The following DPP3 variants were observed in gnomAD, a reference collection of about 807,000 sequenced individuals.
DPP3 encodes the protein DPP III.
Under a neutral mutation model 89.8 loss-of-function variants are expected in DPP3, and 64 were observed. The observed-to-expected ratio is 0.71, with a 90% CI of 0.58 to 0.88. DPP3 has a LOEUF of 0.88. Among genes scored for constraint, DPP3 ranks in the 40% least tolerant of loss-of-function variants. The probability of loss-of-function intolerance (pLI) is 0.00; values close to 1 mark genes in which losing one functional copy is unlikely to be tolerated. For missense variants in DPP3, 835 were observed against 972.5 expected, an observed-to-expected ratio of 0.86 and a Z score of 1.88; for synonymous variants, 377 against 404.3, an observed-to-expected ratio of 0.93 and a Z score of 0.81.
At position 66,493,121 on chromosome 11, in the gene DPP3, T is replaced by C. The variant is rs1450574207; in HGVS notation, c.1238T>C (p.Leu413Pro). The change falls in exon 11 of 18, where the codon CTG (leucine) becomes CCG (proline). Residue 413 changes from leucine (L) to proline (P), a missense_variant. Leu to Pro is a moderately conservative substitution (Grantham distance 98). Coordinates refer to ENST00000531863, the MANE Select transcript of DPP3 (RefSeq NM_130443.4). ...AAGAACGTGTCGCTGGGGAATGTGC[T>C]GGCTGTGGCCTACGCCACGCAGCGG... The part of the protein sequence containing the change: ...GFKNVSLGNV[L>P]AVAYATQREK... 3.1e-6 allele frequency: 5 copies of C among 1,614,082 alleles called. No homozygotes were observed. Among genetic ancestry groups the C allele is most frequent in the Admixed American group, 1.7e-5 (1 of 60,012 alleles).
At chr11:66,493,304 A>G (rs1855446621) in intron 11 of DPP3, 125 bp downstream of exon 11, 1 of 907,400 alleles carries the variant, frequency 1.1e-6, no homozygotes, top group Non-Finnish European at 1.7e-6. Context: ...GCCACTTCCC[A>G]ACCATGTGAC....
chr11:66,504,898 C>G (rs1855764352), intron 17 of DPP3, 124 bp downstream of exon 17: 2 of 1,098,450 alleles, frequency 1.8e-6, no homozygotes, highest in Middle Eastern at 3.2e-4. Flanking sequence ...ATGGCCCTTC[C>G]CTTTCTGCCA....
At chr11:66,486,789 C>T in intron 4 of DPP3, 112 bp downstream of exon 4, 15 of 1,296,744 alleles carry the variant, frequency 1.2e-5, no homozygotes, top group Non-Finnish European at 1.5e-5. Context: ...GCCTCACACT[C>T]CTGAGGCAAT....
Position 66,493,315 on chromosome 11 carries a change from C to T in DPP3, c.1296+136C>T, listed in dbSNP as rs536869172. The T allele has an allele frequency of 8.7e-5, 75 of 862,114 alleles. 2 individuals carry two copies. In the Middle Eastern group the frequency reaches 9.3e-4, roughly 11 times the overall value. The allele number at this position is 862,114 out of a possible 1,614,324, so 53.4% of individuals were successfully genotyped here. On this transcript the variant is annotated intron_variant, in intron 11 of 17. Transcript: ENST00000531863. ...CTCTGCCACTTCCCAACCATGTGACCGTGTGGACTTTGGAGCCTCAGTTTC... is the reference window on the plus strand; with the variant it reads ...CTCTGCCACTTCCCAACCATGTGACTGTGTGGACTTTGGAGCCTCAGTTTC...
Position 66,492,751 on chromosome 11 carries a change from A to T in DPP3, c.1024A>T (p.Lys342Ter), listed in dbSNP as rs144876718. The T allele has an allele frequency of 6.2e-7, 1 of 1,610,336 alleles. No individual in the cohort carries two copies. Among genetic ancestry groups the T allele is most frequent in the African/African-American group, 1.3e-5 (1 of 74,698 alleles). ...VAVVNKAMSAKFERLVASAEQ... is the reference protein window; with the variant it reads ...VAVVNKAMSA ...TGTGGTGAACAAGGCCATGAGTGCC[A>T]AGTTTGAGCGGCTGGTGGCGAGCGC... is the stretch of plus-strand genomic sequence containing the variant. Residue 342 changes from lysine to a stop codon, truncating the protein, a stop_gained, in exon 10 of 18, where the codon AAG becomes TAG. Coordinates refer to ENST00000531863, the MANE Select transcript of DPP3 (RefSeq NM_130443.4). LOFTEE classifies it high-confidence loss of function.
intron 17 of DPP3, 133 bp from the exon 18 acceptor site, chr11:66,508,946 A>G (rs1268437891): frequency 6.2e-6 from 7 of 1,134,690 alleles, no homozygotes; most frequent in Non-Finnish European, 8.8e-6. Flanking sequence ...CCTAAAACGT[A>G]GAGCACAGGT....
intron 4 of DPP3, 82 bp downstream of exon 4, chr11:66,486,759 A>T: frequency 2.1e-6 from 3 of 1,417,810 alleles, no homozygotes; most frequent in Non-Finnish European, 2.8e-6. Context: ...AGGACACGGG[A>T]TGGGGAGGCA....
At chr11:66,497,628 C>A in intron 16 of DPP3, 151 bp downstream of exon 16, 2 of 1,140,610 alleles carry the variant, frequency 1.8e-6, no homozygotes, top group Non-Finnish European at 2.4e-6. Context: ...GGGTGCCTCA[C>A]GCCTGTGATC....
Position 66,495,673 on chromosome 11 carries a change from G to C in DPP3, c.1621G>C (p.Val541Leu), listed in dbSNP as rs912409689. The stretch of plus-strand genomic sequence containing the variant: ...GGCTGATGCGGAGGACGTGATCTAC[G>C]TGAACTGGCTCAACATGGTTCGGGC... ...EGADAEDVIY[V>L]NWLNMVRAGL... Residue 541 changes from valine (V) to leucine (L), a missense_variant, in exon 15 of 18, where the codon GTG becomes CTG. Transcript: ENST00000531863. 1.2e-6 allele frequency: 2 copies of C among 1,614,126 alleles called. No individual in the cohort carries two copies. Among genetic ancestry groups the C allele is most frequent in the Admixed American group, 1.7e-5 (1 of 60,022 alleles).
chr11:66,495,864 C>A, intron 15 of DPP3, 114 bp downstream of exon 15: 1 of 1,473,118 alleles, frequency 6.8e-7, no homozygotes, highest in South Asian at 1.3e-5. Flanking sequence ...GGGTTTAATG[C>A]TAGACTCCAC....
chr11:66,486,451 A>G (rs1246088759), intron 3 of DPP3, 89 bp from the exon 4 acceptor site: 3 of 1,380,420 alleles, frequency 2.2e-6, no homozygotes, highest in Non-Finnish European at 2.8e-6. Flanking sequence ...CTCTTAGATC[A>G]TAGGAGAAGA....
intron 16 of DPP3, among the ~76,000 whole-genome samples, chr11:66,498,664 C>T (rs1025090480): frequency 3.9e-5 from 6 of 152,174 alleles, no homozygotes; most frequent in African/African-American, 1.2e-4. Flanking sequence ...TTTGATAAGC[C>T]ATAAGATATA....
intron 1 of DPP3, 76 bp from the exon 2 acceptor site, chr11:66,482,117 G>A (rs1855099367): frequency 1.3e-6 from 2 of 1,558,544 alleles, no homozygotes; most frequent in Admixed American, 3.6e-5. Flanking sequence ...GATTAAATGA[G>A]ATCATAAGAG....
intron 17 of DPP3, among the ~76,000 whole-genome samples, chr11:66,507,255 C>T (rs1299392157): frequency 6.6e-6 from 1 of 151,978 alleles, no homozygotes; most frequent in African/African-American, 2.4e-5. Context: ...ATCACAAGGT[C>T]AGGAGATCGA....
rs1276287360 is a variant in DPP3 at position 66,495,688 on chromosome 11, A to G, written c.1636A>G (p.Met546Val). The G allele has an allele frequency of 2.5e-6, 4 of 1,613,860 alleles. No individual in the cohort carries two copies. Among genetic ancestry groups the G allele is most frequent in the African/African-American group, 1.3e-5 (1 of 74,888 alleles). Residue 546 changes from methionine (M) to valine (V), a missense_variant, in exon 15 of 18, where the codon ATG becomes GTG. Coordinates refer to ENST00000531863, the MANE Select transcript of DPP3 (RefSeq NM_130443.4). ...CGTGATCTACGTGAACTGGCTCAACATGGTTCGGGCCGGGCTGCTCGCTCT... is the reference window on the plus strand; with the variant it reads ...CGTGATCTACGTGAACTGGCTCAACGTGGTTCGGGCCGGGCTGCTCGCTCT... ...EDVIYVNWLNMVRAGLLALEF... is the reference protein window; with the variant it reads ...EDVIYVNWLNVVRAGLLALEF...
At chr11:66,484,297 T>C (rs570912749) in intron 2 of DPP3, among the ~76,000 whole-genome samples, 14 of 152,158 alleles carry the variant, frequency 9.2e-5, no homozygotes, top group Middle Eastern at 3.4e-3. Flanking sequence ...ATTCATATGT[T>C]TGCAAGTGGC....
intron 16 of DPP3, among the ~76,000 whole-genome samples, chr11:66,498,653 G>T (rs1855603445): frequency 6.6e-6 from 1 of 152,188 alleles, no homozygotes; most frequent in Admixed American, 6.5e-5. Context: ...CAGAGAGAAG[G>T]TTTGATAAGC....
chr11:66,503,442 C>T (rs1436622290), intron 16 of DPP3, among the ~76,000 whole-genome samples: 2 of 152,176 alleles, frequency 1.3e-5, no homozygotes, highest in Admixed American at 1.3e-4. Context: ...TAGAACTATT[C>T]TTGTTTAGAG....
In DPP3 at chr11:66,487,254, G is replaced by C. The variant is rs755272628; in HGVS notation, c.499-14G>C. On this transcript the variant is annotated splice_polypyrimidine_tract_variant and intron_variant, in intron 4 of 17. Coordinates refer to ENST00000531863, the MANE Select transcript of DPP3 (RefSeq NM_130443.4). ...GCAACTCCTCTTTCTCATGTCCCCT[G>C]TCTTCCCCAACAGGGAATCACCACC... 6.2e-7 allele frequency: 1 copy of C among 1,613,686 alleles called. No homozygotes were observed. The highest frequency in any genetic ancestry group is 8.5e-7 in the Non-Finnish European group (1 of 1,179,634).
Sources: allele counts gnomAD v4.1 joint callset (sites outside exome capture counted in the v4.1 genomes callset), GRCh38; gene constraint gnomAD v4.1.1; transcripts MANE v1.5; gene names NCBI Gene and HGNC (gene_info 2026-07-23, HGNC 2026-07-21).